CCDC89: variants seen among roughly 807,000 people sequenced by gnomAD.
CCDC89 encodes coiled-coil domain-containing protein 89.
CCDC89 carries 28 observed loss-of-function variants against 29.3 expected under a neutral mutation model. The ratio of observed to expected loss-of-function variants is 0.96; its 90% confidence interval spans 0.71 to 1.31. CCDC89 has a LOEUF of 1.31. Ranked by LOEUF, CCDC89 falls within the 50% of genes most tolerant of loss-of-function variation. The pLI is 0.00. For missense variants in CCDC89, 484 were observed against 442.3 expected, an observed-to-expected ratio of 1.09 and a Z score of -0.85; for synonymous variants, 191 against 179.7, an observed-to-expected ratio of 1.06 and a Z score of -0.51.
At position 85,685,777 on chromosome 11, in the gene CCDC89, G is replaced by T; in HGVS notation, c.354C>A (p.Tyr118Ter). The T allele has an allele frequency of 2.5e-6, 4 of 1,614,140 alleles. No homozygotes were observed. The highest frequency in any genetic ancestry group is 3.4e-6 in the Non-Finnish European group (4 of 1,180,042). Reference protein sequence around the residue: ...EAEKLKAQGEYSRKLEERFMT... With the variant: ...EAEKLKAQGE ...TAAAGCGTTCCTCTAGTTTCCGACT[G>T]TACTCACCCTGGGCCTTGAGCTTCT... The change falls in exon 1 of 1, where the codon TAC becomes TAA. Residue 118 changes from tyrosine (Y) to a stop codon, truncating the protein, a stop_gained. Transcript: ENST00000316398. LOFTEE classifies it high-confidence loss of function.
rs1019208750 is a variant in CCDC89, at chr11:85,685,160, T to G, written c.971A>C (p.Asn324Thr). The change falls in exon 1 of 1, where the codon AAC becomes ACC. Residue 324 changes from asparagine to threonine, a missense_variant. Transcript: ENST00000316398. ...GCGCTGAAGCTCCCTGACTCTCAAG[T>G]TGCTGTCCACAGCCACTGCCTCTTG... ...FEQEAVAVDS[N>T]LRVRELQRKV... 1 of 1,614,230 alleles carries G rather than the reference T, an allele frequency of 6.2e-7. No homozygotes were observed. The highest frequency in any genetic ancestry group is 8.5e-7 in the Non-Finnish European group (1 of 1,180,044).
rs1565816124 is a variant in CCDC89 at position 85,685,162 on chromosome 11, G to A, written c.969C>T (p.Ser323=). The A allele has an allele frequency of 3.1e-6, 5 of 1,614,196 alleles. No individual in the cohort carries two copies. The highest frequency in any genetic ancestry group is 4.2e-6 in the Non-Finnish European group (5 of 1,180,038). Residue 323 remains serine, a synonymous_variant, in exon 1 of 1, where the codon AGC becomes AGT. Coordinates refer to ENST00000316398, the MANE Select transcript of CCDC89 (RefSeq NM_152723.3). ...RFEQEAVAVD[S]NLRVRELQRK... is the part of the protein sequence containing the mutation. Reference sequence around the variant, plus strand: ...GCTGAAGCTCCCTGACTCTCAAGTTGCTGTCCACAGCCACTGCCTCTTGCT... The same window carrying A: ...GCTGAAGCTCCCTGACTCTCAAGTTACTGTCCACAGCCACTGCCTCTTGCT...
chr11:85,685,329 C>T lies in CCDC89; in HGVS notation c.802G>A (p.Val268Ile), dbSNP rs150789953. 2 of 1,607,868 alleles carry T rather than the reference C, an allele frequency of 1.2e-6. No homozygotes were observed. Among genetic ancestry groups the T allele is most frequent in the Non-Finnish European group, 1.7e-6 (2 of 1,180,000 alleles). The change falls in exon 1 of 1, where the codon GTC (valine) becomes ATC (isoleucine). Residue 268 changes from valine to isoleucine, a missense_variant. Physicochemically the swap from Val to Ile is conservative, Grantham distance 29. Transcript: ENST00000316398. ...AGCAACTCCTCTTTCTCTCTAGTGA[C>T]GGTCTGCAGCCTGGCCTGCAGCTCC... ...SQELQARLQT[V>I]TREKEELLQL...
rs2083012540 is a variant in CCDC89, at chr11:85,685,689, T to G, written c.442A>C (p.Ile148Leu). The G allele has an allele frequency of 6.2e-7, 1 of 1,614,036 alleles. No individual in the cohort carries two copies. Among genetic ancestry groups the G allele is most frequent in the African/African-American group, 1.3e-5 (1 of 74,914 alleles). Residue 148 changes from isoleucine (I) to leucine (L), a missense_variant, in exon 1 of 1, where the codon ATC (isoleucine) becomes CTC (leucine). Transcript: ENST00000316398. ...RFKDEYKSEN[I>L]KLREENEKLR... ...TTCTCATTCTCCTCCCTCAGCTTGA[T>G]GTTCTCACTCTTGTATTCATCCTTG...
chr11:85,685,159 G>A lies in CCDC89; in HGVS notation c.972C>T (p.Asn324=). ...FEQEAVAVDS[N]LRVRELQRKV... is the part of the protein sequence containing the mutation. ...TGCGCTGAAGCTCCCTGACTCTCAA[G>A]TTGCTGTCCACAGCCACTGCCTCTT... Residue 324 remains asparagine (N), a synonymous_variant, in exon 1 of 1, where the codon AAC becomes AAT. Coordinates refer to ENST00000316398, the MANE Select transcript of CCDC89 (RefSeq NM_152723.3). The A allele has an allele frequency of 6.2e-7, 1 of 1,614,204 alleles. No individual in the cohort carries two copies.
Position 85,685,449 on chromosome 11 carries a change from G to T in CCDC89, c.682C>A (p.Gln228Lys). ...QACTHTKETEQLRSQLQTLKQ... is the reference protein window; with the variant it reads ...QACTHTKETEKLRSQLQTLKQ... ...AGGGTCTGCAGCTGGCTGCGCAGCT[G>T]TTCTGTCTCCTTGGTGTGGGTGCAG... Residue 228 changes from glutamine (Q) to lysine (K), a missense_variant, in exon 1 of 1, where the codon CAG (glutamine) becomes AAG (lysine). By Grantham distance (53) the Gln-to-Lys change is moderately conservative (BLOSUM62 1). Transcript: ENST00000316398. 1.9e-6 allele frequency: 3 copies of T among 1,613,206 alleles called. No individual in the cohort carries two copies. Among genetic ancestry groups the T allele is most frequent in the Non-Finnish European group, 2.5e-6 (3 of 1,180,026 alleles).
chr11:85,685,923 T>C lies in CCDC89; in HGVS notation c.208A>G (p.Ile70Val), dbSNP rs746460569. The C allele has an allele frequency of 5.0e-6, 8 of 1,614,172 alleles. No individual in the cohort carries two copies. The South Asian group carries it at 6.6e-5, about 13-fold the overall frequency. ...CAGATGAGCTGGGACTGCTCTTCAA[T>C]GCGGGAGCGAAGCATAGCCTTCTCG... is the stretch of plus-strand genomic sequence containing the variant. ...RSEKAMLRSR[I>V]EEQSQLICIL... Residue 70 changes from isoleucine (I) to valine (V), a missense_variant, in exon 1 of 1, where the codon ATT becomes GTT. By Grantham distance (29) the Ile-to-Val change is conservative. Coordinates refer to ENST00000316398, the MANE Select transcript of CCDC89 (RefSeq NM_152723.3).
In CCDC89 at chr11:85,685,171, A is replaced by T; in HGVS notation, c.960T>A (p.Ala320=). Residue 320 remains alanine (A), a synonymous_variant, in exon 1 of 1, where the codon GCT becomes GCA. Coordinates refer to ENST00000316398, the MANE Select transcript of CCDC89 (RefSeq NM_152723.3). ...ALERFEQEAV[A]VDSNLRVREL... is the part of the protein sequence containing the mutation. ...CCCTGACTCTCAAGTTGCTGTCCACAGCCACTGCCTCTTGCTCAAACCGCT... is the reference window on the plus strand; with the variant it reads ...CCCTGACTCTCAAGTTGCTGTCCACTGCCACTGCCTCTTGCTCAAACCGCT... 6.2e-7 allele frequency: 1 copy of T among 1,614,224 alleles called. No individual in the cohort carries two copies. Among genetic ancestry groups the T allele is most frequent in the Non-Finnish European group, 8.5e-7 (1 of 1,180,048 alleles).
rs773418737 is a variant in CCDC89, at chr11:85,685,022, C to T, written c.1109G>A (p.Arg370His). Residue 370 changes from arginine (R) to histidine (H), a missense_variant, in exon 1 of 1, where the codon CGC (arginine) becomes CAC (histidine). By Grantham distance (29) the Arg-to-His change is conservative (BLOSUM62 0). Coordinates refer to ENST00000316398, the MANE Select transcript of CCDC89 (RefSeq NM_152723.3). ...GAAACTTCCCTATGGAGAGAGATGG[C>T]GGAGTTTGCCATTGAGTTCTCTCTC... ...SKERELNGKL[R>H]HLSP The T allele has an allele frequency of 3.7e-6, 6 of 1,611,276 alleles. No individual in the cohort carries two copies. The African/African-American group carries it at 4.0e-5, about 11-fold the overall frequency.
rs1415675372 is a variant in CCDC89 at position 85,685,137 on chromosome 11, G to A, written c.994C>T (p.Arg332Cys). 1 of 1,614,170 alleles carries A rather than the reference G, an allele frequency of 6.2e-7. No individual in the cohort carries two copies. The highest frequency in any genetic ancestry group is 1.7e-5 in the Admixed American group (1 of 60,020). ...GCCTTCTGGATCCCATCTACTTTGCGCTGAAGCTCCCTGACTCTCAAGTTG... is the reference window on the plus strand; with the variant it reads ...GCCTTCTGGATCCCATCTACTTTGCACTGAAGCTCCCTGACTCTCAAGTTG... ...DSNLRVRELQ[R>C]KVDGIQKAYD... Residue 332 changes from arginine to cysteine, a missense_variant, in exon 1 of 1, where the codon CGC (arginine) becomes TGC (cysteine). Arg to Cys is a radical substitution (Grantham distance 180, BLOSUM62 -3). Coordinates refer to ENST00000316398, the MANE Select transcript of CCDC89 (RefSeq NM_152723.3).
In CCDC89 at chr11:85,685,949, CTCCTCTCCTCCTCTGACAG is replaced by C; in HGVS notation, c.163_181del (p.Leu55AlafsTer20). 1.9e-6 allele frequency: 3 copies of C among 1,614,222 alleles called. No homozygotes were observed. The highest frequency in any genetic ancestry group is 2.5e-6 in the Non-Finnish European group (3 of 1,180,036). On this transcript the variant is annotated frameshift_variant, in exon 1 of 1. Transcript: ENST00000316398. LOFTEE classifies it high-confidence loss of function. ...GCGGGAGCGAAGCATAGCCTTCTCG[CTCCTCTCCTCCTCTGACAG>C]TCCCCGGAGGTTTGCCAAGGCTTCC...
rs1319136388 is a variant in CCDC89, at chr11:85,684,135, T to TAC, written c.*869_*870dup. ...ACTACAAAAATGCTGCAAGCATACATACACACGTTCAGCTTAGATTTTTTT... is the reference window on the plus strand; with the variant it reads ...ACTACAAAAATGCTGCAAGCATACATACACACACGTTCAGCTTAGATTTTTTT... On this transcript the variant is annotated 3_prime_UTR_variant, in exon 1 of 1. Coordinates refer to ENST00000316398, the MANE Select transcript of CCDC89 (RefSeq NM_152723.3). Among the ~76,000 whole-genome samples the TAC allele has an allele frequency of 6.6e-6, 1 of 152,200 alleles. No individual in the cohort carries two copies. The highest frequency in any genetic ancestry group is 2.4e-5 in the African/African-American group (1 of 41,462).
In CCDC89 at chr11:85,685,547, T is replaced by TC. The variant is rs1172197470; in HGVS notation, c.583dup (p.Glu195GlyfsTer55). 4 of 1,614,028 alleles carry TC rather than the reference T, an allele frequency of 2.5e-6. No individual in the cohort carries two copies. In the African/African-American group the frequency reaches 4.0e-5, roughly 16 times the overall value. On this transcript the variant is annotated frameshift_variant, in exon 1 of 1. Transcript: ENST00000316398. LOFTEE classifies it high-confidence loss of function. Reference sequence around the variant, plus strand: ...CTGGCAGGCATCCTGAGCACACCTCTCCTTCAGCGTTTCTAGCTCCCCAGT... The same window carrying TC: ...CTGGCAGGCATCCTGAGCACACCTCTCCCTTCAGCGTTTCTAGCTCCCCAGT...
In CCDC89 at chr11:85,685,609, C is replaced by T. The variant is rs2083011739; in HGVS notation, c.522G>A (p.Ala174=). 1 of 1,614,182 alleles carries T rather than the reference C, an allele frequency of 6.2e-7. No individual in the cohort carries two copies. Among genetic ancestry groups the T allele is most frequent in the Non-Finnish European group, 8.5e-7 (1 of 1,180,050 alleles). ...LFSQALKDEE[A]KVLQLTVRCE... is the part of the protein sequence containing the mutation. ...ACCGGACTGTGAGCTGTAATACTTT[C>T]GCCTCCTCATCCTTCAGAGCCTGGC... Residue 174 remains alanine, a synonymous_variant, in exon 1 of 1, where the codon GCG becomes GCA. Transcript: ENST00000316398.
rs2083013562 is a variant in CCDC89 at position 85,685,782 on chromosome 11, C to T, written c.349G>A (p.Glu117Lys). The change falls in exon 1 of 1, where the codon GAG becomes AAG. Residue 117 changes from glutamate (E) to lysine (K), a missense_variant. Physicochemically the swap from Glu to Lys is moderately conservative, Grantham distance 56. Coordinates refer to ENST00000316398, the MANE Select transcript of CCDC89 (RefSeq NM_152723.3). Reference protein sequence around the residue: ...QEAEKLKAQGEYSRKLEERFM... With the variant: ...QEAEKLKAQGKYSRKLEERFM... ...CGTTCCTCTAGTTTCCGACTGTACTCACCCTGGGCCTTGAGCTTCTCAGCC... is the reference window on the plus strand; with the variant it reads ...CGTTCCTCTAGTTTCCGACTGTACTTACCCTGGGCCTTGAGCTTCTCAGCC... 6.2e-7 allele frequency: 1 copy of T among 1,614,164 alleles called. No homozygotes were observed. Among genetic ancestry groups the T allele is most frequent in the Non-Finnish European group, 8.5e-7 (1 of 1,180,032 alleles).
Position 85,684,369 on chromosome 11 carries a change from T to C in CCDC89, c.*637A>G, listed in dbSNP as rs1369646734. 6.6e-6 allele frequency among the ~76,000 whole-genome samples: 1 copy of C among 152,214 alleles called. No individual in the cohort carries two copies. The highest frequency in any genetic ancestry group is 1.5e-5 in the Non-Finnish European group (1 of 68,032). On this transcript the variant is annotated 3_prime_UTR_variant, in exon 1 of 1. Coordinates refer to ENST00000316398, the MANE Select transcript of CCDC89 (RefSeq NM_152723.3). ...AAAGAGAAAACCAAAAAATGGAATATTATCTAAGCTTGCAGAAAAAATAAA... is the reference window on the plus strand; with the variant it reads ...AAAGAGAAAACCAAAAAATGGAATACTATCTAAGCTTGCAGAAAAAATAAA...
In CCDC89 at chr11:85,685,491, G is replaced by A. The variant is rs769435682; in HGVS notation, c.640C>T (p.Leu214=). The A allele has an allele frequency of 4.3e-6, 7 of 1,613,688 alleles. No homozygotes were observed. In the South Asian group the frequency reaches 7.7e-5, roughly 18 times the overall value. ...AQAREKELLE[L]QSQQACTHTK... is the part of the protein sequence containing the mutation. ...TGGGTGCAGGCCTGCTGGCTCTGTA[G>A]CTCCAGCAGCTCCTTCTCGCGCGCC... The change falls in exon 1 of 1, where the codon CTA becomes TTA. Residue 214 remains leucine, a synonymous_variant. Coordinates refer to ENST00000316398, the MANE Select transcript of CCDC89 (RefSeq NM_152723.3).
rs543029192 is a variant in CCDC89 at position 85,683,908 on chromosome 11, T to C, written c.*1098A>G. On this transcript the variant is annotated 3_prime_UTR_variant, in exon 1 of 1. Transcript: ENST00000316398. ...TCATATTTTTTAAGTAAATTCATTA[T>C]GTAACTTGGTAGCCTTCAGCAAAAT... 3.0e-4 allele frequency among the ~76,000 whole-genome samples: 45 copies of C among 152,332 alleles called. No individual in the cohort carries two copies. Among genetic ancestry groups the C allele is most frequent in the Admixed American group, 7.2e-4 (11 of 15,308 alleles).
In CCDC89 at chr11:85,685,419, G is replaced by T. The variant is rs775040181; in HGVS notation, c.712C>A (p.Gln238Lys). 1 of 1,612,638 alleles carries T rather than the reference G, an allele frequency of 6.2e-7. No individual in the cohort carries two copies. The highest frequency in any genetic ancestry group is 8.5e-7 in the Non-Finnish European group (1 of 1,180,028). The change falls in exon 1 of 1, where the codon CAG becomes AAG. Residue 238 changes from glutamine (Q) to lysine (K), a missense_variant. Coordinates refer to ENST00000316398, the MANE Select transcript of CCDC89 (RefSeq NM_152723.3). ...QLRSQLQTLK[Q>K]QHQQAVEQIA... Reference sequence around the variant, plus strand: ...TGCTCCACAGCCTGCTGGTGCTGCTGCTTGAGGGTCTGCAGCTGGCTGCGC... The same window carrying T: ...TGCTCCACAGCCTGCTGGTGCTGCTTCTTGAGGGTCTGCAGCTGGCTGCGC...
Sources: allele counts gnomAD v4.1 joint callset (sites outside exome capture counted in the v4.1 genomes callset), GRCh38; gene constraint gnomAD v4.1.1; transcripts MANE v1.5; gene names NCBI Gene and HGNC (gene_info 2026-07-23, HGNC 2026-07-21).